The following GRPEL2 variants were observed in gnomAD, a reference collection of about 807,000 sequenced individuals.
The protein encoded by GRPEL2 is grpE protein homolog 2, mitochondrial.
GRPEL2 carries 18 observed loss-of-function variants against 25.9 expected under a neutral mutation model. The observed-to-expected ratio is 0.70, with a 90% CI of 0.48 to 1.03. GRPEL2 has a LOEUF of 1.03. Ranked by LOEUF, GRPEL2 falls within the 50% of genes least tolerant of loss-of-function variation. The probability of loss-of-function intolerance (pLI) is 0.00; values close to 1 mark genes in which losing one functional copy is unlikely to be tolerated. For missense variants in GRPEL2, 247 were observed against 276.2 expected (o/e 0.89, Z 0.75); for synonymous variants, 106 against 107.9 (o/e 0.98, Z 0.11).
Position 149,352,758 on chromosome 5 carries a change from G to GA in GRPEL2, c.*1480dup, listed in dbSNP as rs1757795536. 6.6e-6 allele frequency: 1 copy of GA among 152,120 alleles called. No homozygotes were observed. Among genetic ancestry groups the GA allele is most frequent in the Non-Finnish European group, 1.5e-5 (1 of 68,014 alleles). 9.4% of individuals were successfully genotyped at this position (152,120 alleles called of 1,614,324 possible). A position where few individuals can be genotyped will look rare whatever the true frequency, so the allele number is the denominator to read the frequency against. On this transcript the variant is annotated 3_prime_UTR_variant, in exon 4 of 4. Transcript: ENST00000329271. ...CTCACCCTTTCTGCTTCTGAAGTAT[G>GA]AAAATCTAGTCTTTTTAGGACTGGA... is the stretch of plus-strand genomic sequence containing the variant.
Position 149,348,426 on chromosome 5 carries a change from G to A in GRPEL2, c.231+1G>A. 2 of 1,592,190 alleles carry A rather than the reference G, an allele frequency of 1.3e-6. No homozygotes were observed. The highest frequency in any genetic ancestry group is 1.7e-6 in the Non-Finnish European group (2 of 1,173,228). The stretch of plus-strand genomic sequence containing the variant: ...GGAGAAAGAAGTCCAAGATTTAACA[G>A]TGAGTCAATTTTATATTTCTTCTTC... On this transcript the variant is annotated splice_donor_variant, in intron 2 of 3. Transcript: ENST00000329271. LOFTEE classifies it high-confidence loss of function.
chr5:149,345,699 C>A, intron 1 of GRPEL2, 83 bp downstream of exon 1: 1 of 1,170,466 alleles, frequency 8.5e-7, no homozygotes, highest in Non-Finnish European at 1.2e-6. Context: ...GGCTGGAAGG[C>A]GAGAGCTATC....
rs1171925474 is a variant in GRPEL2 at position 149,351,344 on chromosome 5, T to C, written c.*62T>C. ...AGTCACCTATGTTTCTTTTATTTAT[T>C]AAACTAGGTTTGTATTGTACATGAG... is the stretch of plus-strand genomic sequence containing the variant. On this transcript the variant is annotated 3_prime_UTR_variant, in exon 4 of 4. Transcript: ENST00000329271. 1.3e-6 allele frequency: 2 copies of C among 1,504,280 alleles called. No individual in the cohort carries two copies. The highest frequency in any genetic ancestry group is 1.4e-5 in the African/African-American group (1 of 71,680). 93.2% of individuals were successfully genotyped at this position (1,504,280 alleles called of 1,614,324 possible).
rs900262142 is a variant in GRPEL2 at position 149,348,215 on chromosome 5, G to T, written c.78-57G>T. ...AGATCTCTGGTCTCTAAACTTGGTT[G>T]TAATTTTGGCTTATGATGGCATTTC... is the stretch of plus-strand genomic sequence containing the variant. On this transcript the variant is annotated intron_variant, in intron 1 of 3. Transcript: ENST00000329271. 5 of 1,494,120 alleles carry T rather than the reference G, an allele frequency of 3.3e-6. No homozygotes were observed. The African/African-American group carries it at 7.1e-5, about 21-fold the overall frequency. 92.6% of individuals were successfully genotyped at this position (1,494,120 alleles called of 1,614,324 possible). A position where few individuals can be genotyped will look rare whatever the true frequency, so the allele number is the denominator to read the frequency against.
In GRPEL2 at chr5:149,345,630, G is replaced by A. The variant is rs1024939086; in HGVS notation, c.77+14G>A. On this transcript the variant is annotated intron_variant, in intron 1 of 3. Coordinates refer to ENST00000329271, the MANE Select transcript of GRPEL2 (RefSeq NM_152407.4). ...GTGGGAGAGCAAGTAAGCATTGCAG[G>A]CGGGGAGTCGGGAGCGTGAGGACTC... 6.2e-7 allele frequency: 1 copy of A among 1,600,060 alleles called. No homozygotes were observed. The highest frequency in any genetic ancestry group is 1.1e-5 in the South Asian group (1 of 89,190).
At chr5:149,348,995 CTT>C (rs113132727) in intron 2 of GRPEL2, among the ~76,000 whole-genome samples, 2 of 146,002 alleles carry the variant, frequency 1.4e-5, no homozygotes, top group Non-Finnish European at 1.5e-5. Flanking sequence ...AGATGACATA[CTT>C]TTTTTTTTTT....
Position 149,352,881 on chromosome 5 carries a change from C to T in GRPEL2, c.*1599C>T, listed in dbSNP as rs1233337734. ...ATGTCAATCATTTAAGATTAATGGG[C>T]ATGCAATTAAGTCTCCATTTAAGAT... On this transcript the variant is annotated 3_prime_UTR_variant, in exon 4 of 4. Coordinates refer to ENST00000329271, the MANE Select transcript of GRPEL2 (RefSeq NM_152407.4). 1 of 152,054 alleles carries T rather than the reference C, an allele frequency of 6.6e-6. No homozygotes were observed. Among genetic ancestry groups the T allele is most frequent in the Non-Finnish European group, 1.5e-5 (1 of 68,014 alleles). 9.4% of individuals were successfully genotyped at this position (152,054 alleles called of 1,614,324 possible).
chr5:149,350,197 C>T (rs1757754200), intron 3 of GRPEL2, among the ~76,000 whole-genome samples: 1 of 152,222 alleles, frequency 6.6e-6, no homozygotes, highest in Non-Finnish European at 1.5e-5. Flanking sequence ...TGTCATAGAC[C>T]TCTCTAATGA....
intron 1 of GRPEL2, chr5:149,348,049 A>G (rs1262116746): frequency 1.4e-5 from 6 of 429,312 alleles, no homozygotes; most frequent in Non-Finnish European, 2.5e-5. Context: ...AAATAGGGAT[A>G]ATGATAGGAC....
At position 149,353,321 on chromosome 5, in the gene GRPEL2, A is replaced by G. The variant is rs574736974; in HGVS notation, c.*2039A>G. 2 of 152,574 alleles carry G rather than the reference A, an allele frequency of 1.3e-5. No homozygotes were observed. Among genetic ancestry groups the G allele is most frequent in the African/African-American group, 4.8e-5 (2 of 41,570 alleles). 9.5% of individuals were successfully genotyped at this position (152,574 alleles called of 1,614,324 possible). A position where few individuals can be genotyped will look rare whatever the true frequency, so the allele number is the denominator to read the frequency against. On this transcript the variant is annotated 3_prime_UTR_variant, in exon 4 of 4. Coordinates refer to ENST00000329271, the MANE Select transcript of GRPEL2 (RefSeq NM_152407.4). ...TTTGCCTTCCATTCTGTGAGATTTG[A>G]CAGATGGTGACAATAAGAAAATGAG...
intron 1 of GRPEL2, 153 bp downstream of exon 1, chr5:149,345,769 T>G (rs1048864454): frequency 6.2e-6 from 4 of 641,012 alleles, no homozygotes; most frequent in Non-Finnish European, 1.1e-5. Flanking sequence ...CACGGCCCCA[T>G]TTTACAGACG....
At chr5:149,346,648 C>T (rs1224920344) in intron 1 of GRPEL2, among the ~76,000 whole-genome samples, 4 of 150,440 alleles carry the variant, frequency 2.7e-5, no homozygotes, top group African/African-American at 9.8e-5. Flanking sequence ...TTGAGATTGG[C>T]CACAACTCCC....
At position 149,351,731 on chromosome 5, in the gene GRPEL2, T is replaced by C. The variant is rs2127610281; in HGVS notation, c.*449T>C. On this transcript the variant is annotated 3_prime_UTR_variant, in exon 4 of 4. Coordinates refer to ENST00000329271, the MANE Select transcript of GRPEL2 (RefSeq NM_152407.4). The stretch of plus-strand genomic sequence containing the variant: ...GTCGTATAAATTTAGATCATTTGGA[T>C]TGATTTTTATACACATAGATTTTCA... 1 of 155,884 alleles carries C rather than the reference T, an allele frequency of 6.4e-6. No individual in the cohort carries two copies. The highest frequency in any genetic ancestry group is 1.9e-4 in the South Asian group (1 of 5,232). The allele number at this position is 155,884 out of a possible 1,614,324, so 9.7% of individuals were successfully genotyped here.
At chr5:149,349,790 C>G in intron 3 of GRPEL2, 55 bp downstream of exon 3, 1 of 1,282,988 alleles carries the variant, frequency 7.8e-7, no homozygotes, top group Non-Finnish European at 1.1e-6. Flanking sequence ...TGGCTTATGC[C>G]TGTAATCCCA....
chr5:149,349,596 C>A (rs1355964110), intron 2 of GRPEL2, 58 bp from the exon 3 acceptor site: 2 of 1,230,632 alleles, frequency 1.6e-6, no homozygotes, highest in African/African-American at 1.5e-5. Context: ...CAAAAACATT[C>A]TCTTCCACCA....
At chr5:149,346,392 T>C (rs1352706033) in intron 1 of GRPEL2, among the ~76,000 whole-genome samples, 1 of 152,184 alleles carries the variant, frequency 6.6e-6, no homozygotes, top group Non-Finnish European at 1.5e-5. Context: ...AATAGTAAAG[T>C]AAGCTACGGG....
rs902075768 is a variant in GRPEL2, at chr5:149,351,799, T to C, written c.*517T>C. The C allele has an allele frequency of 3.2e-5, 5 of 155,844 alleles. No homozygotes were observed. Among genetic ancestry groups the C allele is most frequent in the African/African-American group, 7.2e-5 (3 of 41,450 alleles). The allele number at this position is 155,844 out of a possible 1,614,324, so 9.7% of individuals were successfully genotyped here. A position where few individuals can be genotyped will look rare whatever the true frequency, so the allele number is the denominator to read the frequency against. On this transcript the variant is annotated 3_prime_UTR_variant, in exon 4 of 4. Coordinates refer to ENST00000329271, the MANE Select transcript of GRPEL2 (RefSeq NM_152407.4). ...TTGTTTTTTTCCTTTTAGCCATCTTTTGTTCTTGTAATCCCAACTAGATAG... is the reference window on the plus strand; with the variant it reads ...TTGTTTTTTTCCTTTTAGCCATCTTCTGTTCTTGTAATCCCAACTAGATAG...
chr5:149,349,875 G>A (rs1358957268), intron 3 of GRPEL2, 140 bp downstream of exon 3: 27 of 642,798 alleles, frequency 4.2e-5, no homozygotes, highest in Non-Finnish European at 5.8e-5. Context: ...ATGACACCTC[G>A]TCTCTACTGA....
In GRPEL2 at chr5:149,348,387, A is replaced by G. The variant is rs1757722429; in HGVS notation, c.193A>G (p.Lys65Glu). 6.2e-7 allele frequency: 1 copy of G among 1,612,096 alleles called. No individual in the cohort carries two copies. Residue 65 changes from lysine (K) to glutamate (E), a missense_variant, in exon 2 of 4, where the codon AAA (lysine) becomes GAA (glutamate). Lys to Glu is a moderately conservative substitution (Grantham distance 56, BLOSUM62 1). This residue lies in a region of GRPEL2 where 125 missense variants were observed against 107.0 expected (regional missense o/e 1.17). Transcript: ENST00000329271. ...TCTTGCTGAACGAGCCTTAAGGGTA[A>G]AAGCTGTTAAACTGGAGAAAGAAGT... ...PPLAERALRV[K>E]AVKLEKEVQD...
Sources: gnomAD v4.1 joint callset for allele counts (sites outside exome capture counted in the v4.1 genomes callset) on GRCh38, gnomAD v4.1.1 for gene constraint, gnomAD v4.1.1 regional missense constraint, MANE v1.5 for transcripts, NCBI Gene and HGNC (gene_info 2026-07-23, HGNC 2026-07-21) for gene names.